The following COL5A1 variants were observed in gnomAD, a reference collection of about 807,000 sequenced individuals.
COL5A1 encodes the protein collagen type V alpha 1 chain.
A neutral mutation model predicts 263.7 loss-of-function variants in COL5A1; 16 were observed. The ratio of observed to expected loss-of-function variants is 0.06; its 90% confidence interval spans 0.04 to 0.09. COL5A1 has a LOEUF of 0.09. Ranked by LOEUF, COL5A1 falls within the 10% of genes least tolerant of loss-of-function variation. The probability of loss-of-function intolerance (pLI) is 1.00; values close to 1 mark genes in which losing one functional copy is unlikely to be tolerated. For missense variants in COL5A1, 2,036 were observed against 2,540.5 expected (o/e 0.80, Z 4.27); for synonymous variants, 1,012 against 1,004.5 (o/e 1.01, Z -0.14).
intron 18 of COL5A1, 105 bp from the exon 19 acceptor site, chr9:134,761,820 C>A: frequency 8.7e-7 from 1 of 1,147,968 alleles, no homozygotes; most frequent in Non-Finnish European, 1.3e-6. Flanking sequence ...CTTTTGAGAG[C>A]TTGGGAATCT....
intron 64 of COL5A1, chr9:134,830,345 C>G (rs917396120): frequency 3.0e-6 from 2 of 662,024 alleles, no homozygotes; most frequent in African/African-American, 3.6e-5. Context: ...CTCTCCCCAG[C>G]CCCCGCCACC....
intron 63 of COL5A1, among the ~76,000 whole-genome samples, chr9:134,828,215 C>T (rs186211316): frequency 6.6e-6 from 1 of 152,270 alleles, no homozygotes; most frequent in African/African-American, 2.4e-5. Flanking sequence ...GGCTGCTCAC[C>T]CACCCATCCA....
At chr9:134,760,389 C>CACA (rs1554794538) in intron 18 of COL5A1, among the ~76,000 whole-genome samples, 1 of 101,248 alleles carries the variant, frequency 9.9e-6, no homozygotes, top group Non-Finnish European at 1.8e-5. Flanking sequence ...TGCATACACA[C>CACA]CCCCACACCC....
Position 134,696,772 on chromosome 9 carries a change from T to C in COL5A1, c.278-3137T>C, listed in dbSNP as rs979634380. ...TAGTGCCTTTGGACTTCAGCAGAAG[T>C]AAAAGTGAAAAGCTCTGGCCGGGCG... On this transcript the variant is annotated intron_variant, in intron 2 of 65. Coordinates refer to ENST00000371817, the MANE Select transcript of COL5A1 (RefSeq NM_000093.5). The surrounding 1 kb of genome is among the most constrained non-coding windows in gnomAD (Gnocchi z 4.3). Among the ~76,000 whole-genome samples, 2 of 152,154 alleles carry C rather than the reference T, an allele frequency of 1.3e-5. No individual in the cohort carries two copies. The highest frequency in any genetic ancestry group is 4.8e-5 in the African/African-American group (2 of 41,526).
At chr9:134,655,243 T>C (rs966839739) in intron 1 of COL5A1, among the ~76,000 whole-genome samples, 1 of 151,832 alleles carries the variant, frequency 6.6e-6, no homozygotes, top group African/African-American at 2.4e-5. Flanking sequence ...ATGCACTGGG[T>C]GGCCTTGGGC....
rs1357573261 is a variant in COL5A1, at chr9:134,650,996, C to G, written c.109+8700C>G. Among the ~76,000 whole-genome samples the G allele has an allele frequency of 8.5e-5, 13 of 152,342 alleles. No homozygotes were observed. The East Asian group carries it at 2.5e-3, about 29-fold the overall frequency. ...AGGTCCGTACAGTCACATGCATGGA[C>G]GCAAGCAGCCTCTGTCCATTCTCAA... On this transcript the variant is annotated intron_variant, in intron 1 of 65. Coordinates refer to ENST00000371817, the MANE Select transcript of COL5A1 (RefSeq NM_000093.5).
At chr9:134,759,551 ACT>A (rs1491267854) in intron 18 of COL5A1, among the ~76,000 whole-genome samples, 8 of 102,080 alleles carry the variant, frequency 7.8e-5, no homozygotes, top group African/African-American at 4.0e-4. Context: ...GCGCACACAC[ACT>A]CATACACACA....
intron 50 of COL5A1, 48 bp from the exon 51 acceptor site, chr9:134,815,528 A>G (rs757772206): frequency 1.3e-6 from 2 of 1,590,872 alleles, no homozygotes. Flanking sequence ...GTGTGGTCTC[A>G]GTCAGGTTGC....
intron 24 of COL5A1, among the ~76,000 whole-genome samples, chr9:134,767,858 G>A (rs1037642714): frequency 6.6e-6 from 1 of 152,152 alleles, no homozygotes; most frequent in Non-Finnish European, 1.5e-5. Context: ...CCTTGGTTGC[G>A]ATCAGCAAAA....
Position 134,807,778 on chromosome 9 carries a change from A to G in COL5A1, c.3367-1405A>G, listed in dbSNP as rs145345392. Among the ~76,000 whole-genome samples, 472 of 152,342 alleles carry G rather than the reference A, an allele frequency of 3.1e-3. 1 individual carries two copies. The highest frequency in any genetic ancestry group is 0.011 in the African/African-American group (448 of 41,578). On this transcript the variant is annotated intron_variant, in intron 42 of 65. Transcript: ENST00000371817. ...TCATTTCCAGTGAGGCACCCAGGAC[A>G]TGGATCCAGCTGGATTCTGTGCCAG...
At chr9:134,744,364 T>G (rs1244469314) in intron 11 of COL5A1, among the ~76,000 whole-genome samples, 1 of 146,278 alleles carries the variant, frequency 6.8e-6, no homozygotes, top group African/African-American at 2.6e-5. Flanking sequence ...CACTCATGCA[T>G]ACATGCCCAC....
intron 1 of COL5A1, among the ~76,000 whole-genome samples, chr9:134,684,214 C>T (rs762136955): frequency 3.9e-5 from 6 of 152,314 alleles, no homozygotes; most frequent in South Asian, 2.1e-4. Context: ...GAGGAGTGCT[C>T]GGGCACCAGT....
chr9:134,666,334 G>T (rs58811417), intron 1 of COL5A1, among the ~76,000 whole-genome samples: 35,633 of 152,154 alleles, frequency 0.23, 5,268 homozygotes, highest in African/African-American at 0.42. Flanking sequence ...AAACTGGCAC[G>T]GGGTCCCTGG....
At chr9:134,830,278 G>A (rs1220822035) in intron 64 of COL5A1, 9 of 1,249,042 alleles carry the variant, frequency 7.2e-6, no homozygotes, top group African/African-American at 4.5e-5. Flanking sequence ...GTGCCACACC[G>A]CTCTTGCCAA....
rs539551387 is a variant in COL5A1 at position 134,650,852 on chromosome 9, G to A, written c.109+8556G>A. ...TGTGATCCTCAAACCCGCCCTTCGT[G>A]CCAGGTGGGATCGGCCCATTCTGCA... On this transcript the variant is annotated intron_variant, in intron 1 of 65. Coordinates refer to ENST00000371817, the MANE Select transcript of COL5A1 (RefSeq NM_000093.5). Among the ~76,000 whole-genome samples, 5 of 152,392 alleles carry A rather than the reference G, an allele frequency of 3.3e-5. No homozygotes were observed. In the South Asian group the frequency reaches 1.0e-3, roughly 32 times the overall value.
In COL5A1 at chr9:134,812,491, G is replaced by A. The variant is rs1435045393; in HGVS notation, c.3733G>A (p.Val1245Met). The A allele has an allele frequency of 8.7e-6, 14 of 1,614,156 alleles. No homozygotes were observed. Among genetic ancestry groups the A allele is most frequent in the Middle Eastern group, 1.6e-4 (1 of 6,062 alleles). ...AGGCGAGAAGGGTGAGACAGGAGACGTGGGCCAGATGGTAAGTGTGCCTGA... is the reference window on the plus strand; with the variant it reads ...AGGCGAGAAGGGTGAGACAGGAGACATGGGCCAGATGGTAAGTGTGCCTGA... ...PPGEKGETGD[V>M]GQMGPPGPPG... Residue 1245 changes from valine (V) to methionine (M), a missense_variant, in exon 47 of 66, where the codon GTG becomes ATG. Val to Met is a conservative substitution (Grantham distance 21). Transcript: ENST00000371817.
At position 134,754,431 on chromosome 9, in the gene COL5A1, C is replaced by A; in HGVS notation, c.1827+105C>A. Reference sequence around the variant, plus strand: ...CAACAGCCAGCTGGGCCACATGAAGCCAGGTGGCTCCCCTTCTTGTGATGG... The same window carrying A: ...CAACAGCCAGCTGGGCCACATGAAGACAGGTGGCTCCCCTTCTTGTGATGG... On this transcript the variant is annotated intron_variant, in intron 16 of 65. Coordinates refer to ENST00000371817, the MANE Select transcript of COL5A1 (RefSeq NM_000093.5). The surrounding 1 kb of genome is among the most constrained non-coding windows in gnomAD (Gnocchi z 4.3). The A allele has an allele frequency of 7.7e-7, 1 of 1,295,522 alleles. No homozygotes were observed. The highest frequency in any genetic ancestry group is 1.1e-6 in the Non-Finnish European group (1 of 893,928). 80.3% of individuals were successfully genotyped at this position (1,295,522 alleles called of 1,614,324 possible).
chr9:134,762,399 G>A (rs530916345), intron 19 of COL5A1, among the ~76,000 whole-genome samples: 59 of 152,376 alleles, frequency 3.9e-4, no homozygotes, highest in African/African-American at 1.3e-3. Context: ...GCAGAAGAGG[G>A]TGGGGGGATT....
intron 37 of COL5A1, 41 bp from the exon 38 acceptor site, chr9:134,801,913 G>A (rs1191091424): frequency 6.3e-7 from 1 of 1,592,660 alleles, no homozygotes; most frequent in Non-Finnish European, 8.6e-7. Flanking sequence ...GGTGGCGCAG[G>A]CCACTGCAGC....
Sources: allele counts gnomAD v4.1 joint callset (sites outside exome capture counted in the v4.1 genomes callset), GRCh38; gene constraint gnomAD v4.1.1; non-coding constraint Gnocchi (gnomAD v3.1); transcripts MANE v1.5; gene names NCBI Gene and HGNC (gene_info 2026-07-23, HGNC 2026-07-21).